CBX5: variants seen among roughly 807,000 people sequenced by gnomAD.
CBX5 encodes chromobox 5, also known as chromobox protein homolog 5.
CBX5 carries 7 observed loss-of-function variants against 20.7 expected under a neutral mutation model. That is an observed-to-expected ratio of 0.34 (90% CI 0.19 to 0.63). The LOEUF (loss-of-function observed/expected upper bound fraction) is 0.63. Ranked by LOEUF, CBX5 falls within the 30% of genes least tolerant of loss-of-function variation. The pLI is 0.75. For missense variants in CBX5, 110 were observed against 224.1 expected (o/e 0.49, Z 3.25); for synonymous variants, 78 against 77.0 (o/e 1.01, Z -0.07).
intron 3 of CBX5, among the ~76,000 whole-genome samples, chr12:54,248,314 T>G (rs931215029): frequency 2.6e-5 from 4 of 152,208 alleles, no homozygotes; most frequent in African/African-American, 7.2e-5. Flanking sequence ...GAAAAAACTT[T>G]ATTATGGAAG....
Position 54,240,296 on chromosome 12 carries a change from T to A in CBX5, c.*1459A>T, listed in dbSNP as rs776246042. 3.3e-5 allele frequency: 5 copies of A among 152,168 alleles called. No homozygotes were observed. Among genetic ancestry groups the A allele is most frequent in the Admixed American group, 6.5e-5 (1 of 15,280 alleles). 9.4% of individuals were successfully genotyped at this position (152,168 alleles called of 1,614,324 possible). Reference sequence around the variant, plus strand: ...AACACAAGAAGAAACCAAAACGAAGTATTTTGCTGAGTAAGAAGAAAAGGG... The same window carrying A: ...AACACAAGAAGAAACCAAAACGAAGAATTTTGCTGAGTAAGAAGAAAAGGG... On this transcript the variant is annotated 3_prime_UTR_variant, in exon 5 of 5. Transcript: ENST00000209875.
In CBX5 at chr12:54,237,175, A is replaced by G. The variant is rs1049502608; in HGVS notation, c.*4580T>C. The G allele has an allele frequency of 6.6e-6, 1 of 152,208 alleles. No homozygotes were observed. The highest frequency in any genetic ancestry group is 2.4e-5 in the African/African-American group (1 of 41,452). The allele number at this position is 152,208 out of a possible 1,614,324, so 9.4% of individuals were successfully genotyped here. ...AAAACTGGATTTTGTCCATGGCAAC[A>G]CTGTTCTCCACTATTCTGTCTATAA... On this transcript the variant is annotated 3_prime_UTR_variant, in exon 5 of 5. Coordinates refer to ENST00000209875, the MANE Select transcript of CBX5 (RefSeq NM_012117.3).
chr12:54,272,849 A>G (rs1297160054), intron 1 of CBX5: 1 of 152,244 alleles, frequency 6.6e-6, no homozygotes, highest in African/African-American at 2.4e-5. Flanking sequence ...ACGATCACTT[A>G]TCCAACTCCT....
At position 54,237,529 on chromosome 12, in the gene CBX5, T is replaced by C. The variant is rs1251940588; in HGVS notation, c.*4226A>G. 6.5e-6 allele frequency: 1 copy of C among 152,762 alleles called. No homozygotes were observed. Among genetic ancestry groups the C allele is most frequent in the East Asian group, 1.9e-4 (1 of 5,206 alleles). The allele number at this position is 152,762 out of a possible 1,614,324, so 9.5% of individuals were successfully genotyped here. On this transcript the variant is annotated 3_prime_UTR_variant, in exon 5 of 5. Transcript: ENST00000209875. The stretch of plus-strand genomic sequence containing the variant: ...CATCAAATGAATAAGACTTCGATTT[T>C]TGATACCAACAATGTCCCCAAACCA...
At chr12:54,265,859 C>G in intron 1 of CBX5, among the ~76,000 whole-genome samples, 1 of 152,036 alleles carries the variant, frequency 6.6e-6, no homozygotes, top group East Asian at 1.9e-4. Context: ...CCAGCGTGGC[C>G]AACATGGTGA....
At chr12:54,257,874 A>G (rs934180282) in intron 1 of CBX5, among the ~76,000 whole-genome samples, 182 bp from the exon 2 acceptor site, 6 of 152,206 alleles carry the variant, frequency 3.9e-5, no homozygotes, top group Admixed American at 3.9e-4. Context: ...TCACTTCCTC[A>G]ACTACAACCT....
intron 3 of CBX5, among the ~76,000 whole-genome samples, chr12:54,250,662 G>C (rs1346439215): frequency 1.3e-5 from 2 of 148,524 alleles, no homozygotes; most frequent in East Asian, 3.9e-4. Context: ...AAAATTAGCC[G>C]GGCGCGGTGG....
Position 54,241,635 on chromosome 12 carries a change from C to T in CBX5, c.*120G>A. ...ATACCAACATTTCTCCTGTGGAGCA[C>T]AGTGATAAGCACATTTTTTATGGAT... On this transcript the variant is annotated 3_prime_UTR_variant, in exon 5 of 5. Coordinates refer to ENST00000209875, the MANE Select transcript of CBX5 (RefSeq NM_012117.3). 1 of 883,422 alleles carries T rather than the reference C, an allele frequency of 1.1e-6. No homozygotes were observed. 54.7% of individuals were successfully genotyped at this position (883,422 alleles called of 1,614,324 possible). A position where few individuals can be genotyped will look rare whatever the true frequency, so the allele number is the denominator to read the frequency against.
chr12:54,267,885 T>C (rs1034123355), intron 1 of CBX5, among the ~76,000 whole-genome samples: 17 of 152,212 alleles, frequency 1.1e-4, no homozygotes, highest in Non-Finnish European at 1.5e-5. Context: ...GGTTCACGCC[T>C]ATAATCCCAG....
Position 54,237,320 on chromosome 12 carries a change from A to C in CBX5, c.*4435T>G, listed in dbSNP as rs1331098692. The C allele has an allele frequency of 1.3e-5, 2 of 152,174 alleles. No individual in the cohort carries two copies. The highest frequency in any genetic ancestry group is 3.8e-4 in the East Asian group (2 of 5,198). The allele number at this position is 152,174 out of a possible 1,614,324, so 9.4% of individuals were successfully genotyped here. A position where few individuals can be genotyped will look rare whatever the true frequency, so the allele number is the denominator to read the frequency against. On this transcript the variant is annotated 3_prime_UTR_variant, in exon 5 of 5. Coordinates refer to ENST00000209875, the MANE Select transcript of CBX5 (RefSeq NM_012117.3). ...TGGGAAAAACAAACAAACAAACAAAAAACCCCAGCAAATAAAGGATTTTCC... is the reference window on the plus strand; with the variant it reads ...TGGGAAAAACAAACAAACAAACAAACAACCCCAGCAAATAAAGGATTTTCC...
In CBX5 at chr12:54,238,650, C is replaced by T. The variant is rs1456159708; in HGVS notation, c.*3105G>A. ...GAAGAAGAAAACATCATGGTTCTCTCCAGGTTTAAAATGGGTGCTCCCATG... is the reference window on the plus strand; with the variant it reads ...GAAGAAGAAAACATCATGGTTCTCTTCAGGTTTAAAATGGGTGCTCCCATG... On this transcript the variant is annotated 3_prime_UTR_variant, in exon 5 of 5. Transcript: ENST00000209875. 1 of 152,190 alleles carries T rather than the reference C, an allele frequency of 6.6e-6. No individual in the cohort carries two copies. The highest frequency in any genetic ancestry group is 1.5e-5 in the Non-Finnish European group (1 of 68,046). The allele number at this position is 152,190 out of a possible 1,614,324, so 9.4% of individuals were successfully genotyped here.
In CBX5 at chr12:54,233,170, C is replaced by T. The variant is rs1943585071; in HGVS notation, c.*8585G>A. The T allele has an allele frequency of 6.6e-6, 1 of 152,144 alleles. No homozygotes were observed. The highest frequency in any genetic ancestry group is 6.5e-5 in the Admixed American group (1 of 15,270). 9.4% of individuals were successfully genotyped at this position (152,144 alleles called of 1,614,324 possible). On this transcript the variant is annotated 3_prime_UTR_variant, in exon 5 of 5. Transcript: ENST00000209875. ...AAGGGTAAGGATACAAATGGTGACC[C>T]CTGCTTTTCTATTCAGGGAGAGGGG...
intron 3 of CBX5, 36 bp from the exon 4 acceptor site, chr12:54,246,251 G>T: frequency 6.7e-7 from 1 of 1,485,458 alleles, no homozygotes; most frequent in East Asian, 2.3e-5. Flanking sequence ...TACAGCTTGT[G>T]GAAAGAGTAA....
intron 1 of CBX5, among the ~76,000 whole-genome samples, chr12:54,261,293 TTTC>T (rs913990608): frequency 2.0e-4 from 31 of 152,034 alleles, no homozygotes; most frequent in Admixed American, 2.0e-3. Flanking sequence ...TAGAAATTTT[TTTC>T]TTTTTTCTTT....
At chr12:54,265,014 G>C (rs1333828423) in intron 1 of CBX5, among the ~76,000 whole-genome samples, 2 of 152,178 alleles carry the variant, frequency 1.3e-5, no homozygotes, top group Non-Finnish European at 2.9e-5. Context: ...AAATCCTTTA[G>C]GAAGTAAGCC....
chr12:54,248,993 G>A (rs914751638), intron 3 of CBX5, among the ~76,000 whole-genome samples: 6 of 152,086 alleles, frequency 3.9e-5, no homozygotes, highest in South Asian at 2.1e-4. Context: ...TTTCAAGGTC[G>A]GCAGCTTCAG....
Position 54,248,094 on chromosome 12 carries a change from C to T in CBX5, c.325-1879G>A, listed in dbSNP as rs143216991. 4.6e-5 allele frequency among the ~76,000 whole-genome samples: 7 copies of T among 152,128 alleles called. No individual in the cohort carries two copies. The East Asian group carries it at 7.8e-4, about 17-fold the overall frequency. On this transcript the variant is annotated intron_variant, in intron 3 of 4. Transcript: ENST00000209875. The stretch of plus-strand genomic sequence containing the variant: ...TAGCCTCAGGTGATCCACCCTGCCT[C>T]GGCCTCCCAAAGTGCTGAGATTACA...
chr12:54,279,146 A>T (rs571035726), intron 1 of CBX5: 6 of 152,356 alleles, frequency 3.9e-5, no homozygotes, highest in African/African-American at 1.4e-4. Context: ...GTGGACCTAC[A>T]AACATATTTG....
chr12:54,259,246 T>C (rs980750380), intron 1 of CBX5: 2 of 151,510 alleles, frequency 1.3e-5, no homozygotes, highest in South Asian at 2.1e-4. Flanking sequence ...CCAGGGAGAG[T>C]ACCCCACCCC....
Sources: allele counts gnomAD v4.1 joint callset (sites outside exome capture counted in the v4.1 genomes callset), GRCh38; gene constraint gnomAD v4.1.1; transcripts MANE v1.5; gene names NCBI Gene and HGNC (gene_info 2026-07-23, HGNC 2026-07-21).